The following RIPOR1 variants were observed in gnomAD, a reference collection of about 807,000 sequenced individuals.
RIPOR1 encodes rho family-interacting cell polarization regulator 1.
RIPOR1 carries 58 observed loss-of-function variants against 116.5 expected under a neutral mutation model. The observed-to-expected ratio is 0.50, with a 90% CI of 0.40 to 0.62. The LOEUF is 0.62. Ranked by LOEUF, RIPOR1 falls within the 20% of genes least tolerant of loss-of-function variation. The probability of loss-of-function intolerance (pLI) is 0.00; values close to 1 mark genes in which losing one functional copy is unlikely to be tolerated. For missense variants in RIPOR1, 1,372 were observed against 1,586.2 expected (o/e 0.86, Z 2.29); for synonymous variants, 605 against 650.0 (o/e 0.93, Z 1.05).
chr16:67,538,525 C>T lies in RIPOR1; in HGVS notation c.79C>T (p.Leu27Phe), dbSNP rs888443999. Reference sequence around the variant, plus strand: ...TAGGAGCCAGTCCTTCGCAGGCGTCCTCGGCAGCCACGAGCGGGGGCCCAG... The same window carrying T: ...TAGGAGCCAGTCCTTCGCAGGCGTCTTCGGCAGCCACGAGCGGGGGCCCAG... Reference protein sequence around the residue: ...VNRSQSFAGVLGSHERGPRSF... With the variant: ...VNRSQSFAGVFGSHERGPRSF... The change falls in exon 2 of 22, where the codon CTC (leucine) becomes TTC (phenylalanine). Residue 27 changes from leucine (L) to phenylalanine (F), a missense_variant. Transcript: ENST00000042381. The T allele has an allele frequency of 2.5e-6, 4 of 1,612,144 alleles. No individual in the cohort carries two copies. Among genetic ancestry groups the T allele is most frequent in the African/African-American group, 1.3e-5 (1 of 75,044 alleles).
upstream of RIPOR1, among the ~76,000 whole-genome samples, chr16:67,527,154 T>C (rs2050547413): frequency 6.6e-6 from 1 of 152,188 alleles, no homozygotes; most frequent in African/African-American, 2.4e-5. Flanking sequence ...ACCGGCCCAG[T>C]GGCTCATGCC....
intron 1 of RIPOR1, among the ~76,000 whole-genome samples, chr16:67,519,120 A>C (rs888192878): frequency 6.6e-6 from 1 of 152,194 alleles, no homozygotes; most frequent in Non-Finnish European, 1.5e-5. Context: ...CCCGGCCTCT[A>C]CTAAAAATGC....
Position 67,540,360 on chromosome 16 carries a change from A to G in RIPOR1, c.628A>G (p.Lys210Glu). 1 of 1,614,090 alleles carries G rather than the reference A, an allele frequency of 6.2e-7. No individual in the cohort carries two copies. Among genetic ancestry groups the G allele is most frequent in the South Asian group, 1.1e-5 (1 of 91,080 alleles). ...GCTGGGCGAGTTTCATCTCCGAATGAAAGGTACTGAGTTGTGGGGGCAGGT... is the reference window on the plus strand; with the variant it reads ...GCTGGGCGAGTTTCATCTCCGAATGGAAGGTACTGAGTTGTGGGGGCAGGT... ...AQLGEFHLRMKGLAGFARLCV... is the reference protein window; with the variant it reads ...AQLGEFHLRMEGLAGFARLCV... Residue 210 changes from lysine (K) to glutamate (E), a missense_variant, in exon 8 of 22, where the codon AAA (lysine) becomes GAA (glutamate). Transcript: ENST00000042381. This position sits in a 1 kb window ranked among gnomAD's most constrained non-coding sequence, Gnocchi z 4.7.
intron 1 of RIPOR1, among the ~76,000 whole-genome samples, chr16:67,536,484 C>G (rs1329611419): frequency 2.0e-5 from 3 of 152,020 alleles, no homozygotes; most frequent in African/African-American, 7.2e-5. Context: ...AACGCAGAAC[C>G]TGAGAGGCCC....
At chr16:67,539,636 G>T in intron 4 of RIPOR1, 92 bp from the exon 5 acceptor site, 1 of 1,456,266 alleles carries the variant, frequency 6.9e-7, no homozygotes, top group Non-Finnish European at 9.6e-7. Flanking sequence ...GGACTGTGGT[G>T]TGAGAAAGGG....
In RIPOR1 at chr16:67,543,975, G is replaced by A. The variant is rs1368707159; in HGVS notation, c.2601-324G>A. The A allele has an allele frequency of 7.1e-6, 3 of 422,114 alleles. No individual in the cohort carries two copies. Among genetic ancestry groups the A allele is most frequent in the Non-Finnish European group, 1.3e-5 (3 of 233,644 alleles). 26.1% of individuals were successfully genotyped at this position (422,114 alleles called of 1,614,324 possible). On this transcript the variant is annotated intron_variant, in intron 14 of 21. Transcript: ENST00000042381. This position sits in a 1 kb window ranked among gnomAD's most constrained non-coding sequence, Gnocchi z 4.7. ...CCAGGTCCCTCCTTCCTCTGCTGCT[G>A]CCCAGGCTACAGCCCCATGCCCTGC...
In RIPOR1 at chr16:67,537,374, A is replaced by C; in HGVS notation, c.-23-1050A>C. On this transcript the variant is annotated intron_variant, in intron 1 of 21. Transcript: ENST00000042381. This position sits in a 1 kb window ranked among gnomAD's most constrained non-coding sequence, Gnocchi z 4.6. Reference sequence around the variant, plus strand: ...TCGCCCCCCGTCGGTCCCCTCCCCGAGGGGAACCCCAGTCACCGGTCCCGC... The same window carrying C: ...TCGCCCCCCGTCGGTCCCCTCCCCGCGGGGAACCCCAGTCACCGGTCCCGC... The C allele has an allele frequency of 8.1e-7, 1 of 1,227,026 alleles. No individual in the cohort carries two copies. Among genetic ancestry groups the C allele is most frequent in the Non-Finnish European group, 1.0e-6 (1 of 984,592 alleles). The allele number at this position is 1,227,026 out of a possible 1,614,324, so 76.0% of individuals were successfully genotyped here.
intron 3 of RIPOR1, 23 bp downstream of exon 3, chr16:67,538,847 G>A (rs2050886262): frequency 1.2e-6 from 2 of 1,611,436 alleles, no homozygotes; most frequent in East Asian, 4.5e-5. Flanking sequence ...TCTGTTCCCA[G>A]CCCTGTCCCG....
Position 67,540,537 on chromosome 16 carries a change from G to A in RIPOR1, c.675+36G>A, listed in dbSNP as rs2050949614. On this transcript the variant is annotated intron_variant, in intron 9 of 21. Transcript: ENST00000042381. The surrounding 1 kb of genome is among the most constrained non-coding windows in gnomAD (Gnocchi z 4.7). ...GTGCAGGGAAGGGCTGGGTCGGTAG[G>A]GTCCCAACACCTAGGCTGCCTCATC... 6.2e-7 allele frequency: 1 copy of A among 1,614,112 alleles called. No homozygotes were observed. Among genetic ancestry groups the A allele is most frequent in the East Asian group, 2.2e-5 (1 of 44,884 alleles).
intron 1 of RIPOR1, among the ~76,000 whole-genome samples, chr16:67,519,135 C>T (rs34928216): frequency 0.025 from 3,877 of 152,266 alleles, 50 homozygotes; most frequent in Middle Eastern, 0.041. Context: ...AAATGCACTA[C>T]TACGCGTGCT....
rs2050595636 is a variant in RIPOR1, at chr16:67,529,462, G to C, written c.-24+548G>C. 3.2e-6 allele frequency: 1 copy of C among 313,820 alleles called. No individual in the cohort carries two copies. Among genetic ancestry groups the C allele is most frequent in the South Asian group, 5.4e-5 (1 of 18,458 alleles). 19.4% of individuals were successfully genotyped at this position (313,820 alleles called of 1,614,324 possible). ...CCCAAACCTGGCGTAGCCGAAGCCG[G>C]AGAGGATCGTCCTTGTCGGGGAACG... On this transcript the variant is annotated intron_variant, in intron 1 of 21. Transcript: ENST00000042381. This position sits in a 1 kb window ranked among gnomAD's most constrained non-coding sequence, Gnocchi z 4.1.
intron 1 of RIPOR1, among the ~76,000 whole-genome samples, chr16:67,521,922 G>T (rs1035836212): frequency 1.2e-4 from 19 of 152,242 alleles, no homozygotes; most frequent in African/African-American, 4.6e-4. Flanking sequence ...AACGCCCAGA[G>T]ATGACGGGCA....
rs1408456818 is a variant in RIPOR1 at position 67,528,894 on chromosome 16, C to A, written c.-44C>A. ...CCGAGCGCAAGGACAGCGCGAGGTC[C>A]GCGCAGCCCAGCGCAGCCATGTGAG... On this transcript the variant is annotated 5_prime_UTR_variant, in exon 1 of 22. Transcript: ENST00000042381. 1 of 186,514 alleles carries A rather than the reference C, an allele frequency of 5.4e-6. No homozygotes were observed. 11.6% of individuals were successfully genotyped at this position (186,514 alleles called of 1,614,324 possible).
rs138609591 is a variant in RIPOR1 at position 67,541,078 on chromosome 16, C to G, written c.802-352C>G. ...AGCATGCATGTGTCTGTCTATCTATCTAGGAGTTGGCGGGTCTCACTCTGT... is the reference window on the plus strand; with the variant it reads ...AGCATGCATGTGTCTGTCTATCTATGTAGGAGTTGGCGGGTCTCACTCTGT... On this transcript the variant is annotated intron_variant, in intron 10 of 21. Transcript: ENST00000042381. This position sits in a 1 kb window ranked among gnomAD's most constrained non-coding sequence, Gnocchi z 4.6. Among the ~76,000 whole-genome samples the G allele has an allele frequency of 2.0e-5, 3 of 152,154 alleles. No homozygotes were observed. In the East Asian group the frequency reaches 5.8e-4, roughly 29 times the overall value.
intron 1 of RIPOR1, among the ~76,000 whole-genome samples, chr16:67,519,839 A>C (rs2050478436): frequency 6.6e-6 from 1 of 151,990 alleles, no homozygotes; most frequent in Non-Finnish European, 1.5e-5. Flanking sequence ...AGGCAGATGG[A>C]TCACCTGAGG....
rs1300769772 is a variant in RIPOR1, at chr16:67,539,078, G to C, written c.336+10G>C. On this transcript the variant is annotated intron_variant, in intron 4 of 21. Transcript: ENST00000042381. Reference sequence around the variant, plus strand: ...GAGGAATTCCCGCTTGGTGAGTGGCGGGAGGTACGGATGCCCTTTGCCTCT... The same window carrying C: ...GAGGAATTCCCGCTTGGTGAGTGGCCGGAGGTACGGATGCCCTTTGCCTCT... The C allele has an allele frequency of 6.2e-6, 10 of 1,610,622 alleles. No individual in the cohort carries two copies. Among genetic ancestry groups the C allele is most frequent in the African/African-American group, 1.3e-5 (1 of 74,692 alleles).
In RIPOR1 at chr16:67,540,203, G is replaced by T; in HGVS notation, c.565G>T (p.Glu189Ter). 6.2e-7 allele frequency: 1 copy of T among 1,614,034 alleles called. No homozygotes were observed. The change falls in exon 7 of 22, where the codon GAG becomes TAG. Residue 189 changes from glutamate to a stop codon, truncating the protein, a stop_gained and splice_region_variant. Transcript: ENST00000042381. LOFTEE classifies it high-confidence loss of function. The surrounding 1 kb of genome is among the most constrained non-coding windows in gnomAD (Gnocchi z 4.7). Reference sequence around the variant, plus strand: ...CACTCGGGGGCATCGCGAGTACACGGAGGTGAGGGATGGGGGCCCATGAGG... The same window carrying T: ...CACTCGGGGGCATCGCGAGTACACGTAGGTGAGGGATGGGGGCCCATGAGG... Reference protein sequence around the residue: ...EATRGHREYTESMCLLESELE... With the variant: ...EATRGHREYT
upstream of RIPOR1, among the ~76,000 whole-genome samples, chr16:67,526,405 G>A (rs1177142622): frequency 6.6e-6 from 1 of 152,200 alleles, no homozygotes; most frequent in Non-Finnish European, 1.5e-5. Flanking sequence ...GGCCTTGGAG[G>A]CCCTACCACA....
rs1567571159 is a variant in RIPOR1, at chr16:67,540,436, C to T, written c.632-22C>T. On this transcript the variant is annotated intron_variant, in intron 8 of 21. Coordinates refer to ENST00000042381, the MANE Select transcript of RIPOR1 (RefSeq NM_024519.4). The surrounding 1 kb of genome is among the most constrained non-coding windows in gnomAD (Gnocchi z 4.7). ...GAACCCCAATATGGCTCACCGACTT[C>T]TCCCCTTCTCCTCCAACTCAGGGCT... 1 of 1,614,208 alleles carries T rather than the reference C, an allele frequency of 6.2e-7. No homozygotes were observed. The highest frequency in any genetic ancestry group is 2.2e-5 in the East Asian group (1 of 44,890).
Sources: gnomAD v4.1 joint callset for allele counts (sites outside exome capture counted in the v4.1 genomes callset) on GRCh38, gnomAD v4.1.1 for gene constraint, Gnocchi (gnomAD v3.1) non-coding constraint, MANE v1.5 for transcripts, NCBI Gene and HGNC (gene_info 2026-07-23, HGNC 2026-07-21) for gene names.